Variants in VPS13A observed in about 807,000 individuals in gnomAD.
VPS13A encodes the protein vacuolar protein sorting 13 homolog A.
In VPS13A, 264 loss-of-function variants were observed where a neutral mutation model predicts 390.9. That is an observed-to-expected ratio of 0.68 (90% CI 0.61 to 0.75). The LOEUF (loss-of-function observed/expected upper bound fraction) is 0.75. Among genes scored for constraint, VPS13A ranks in the 30% least tolerant of loss-of-function variants. VPS13A has a pLI of 0.00. For missense variants in VPS13A, 3,409 were observed against 3,733.9 expected, an observed-to-expected ratio of 0.91 and a Z score of 2.27; for synonymous variants, 1,231 against 1,227.1, an observed-to-expected ratio of 1.00 and a Z score of -0.07.
In VPS13A at chr9:77,242,958, A is replaced by G. The variant is rs552343907; in HGVS notation, c.1901-4301A>G. The stretch of plus-strand genomic sequence containing the variant: ...CCAATAGTATAAAAATGCTAATTCT[A>G]TGAAAAAAAATGGAAAGCTTCTATG... On this transcript the variant is annotated intron_variant, in intron 19 of 71. Coordinates refer to ENST00000360280, the MANE Select transcript of VPS13A (RefSeq NM_033305.3). Among the ~76,000 whole-genome samples, 4 of 152,110 alleles carry G rather than the reference A, an allele frequency of 2.6e-5. No homozygotes were observed. The South Asian group carries it at 6.2e-4, about 24-fold the overall frequency.
intron 35 of VPS13A, among the ~76,000 whole-genome samples, chr9:77,310,729 G>T (rs1299777129): frequency 6.6e-6 from 1 of 152,134 alleles, no homozygotes; most frequent in East Asian, 1.9e-4. Context: ...ACTAACCAAA[G>T]CTGTAAAGAG....
intron 65 of VPS13A, 96 bp downstream of exon 65, chr9:77,370,674 A>T (rs1832700725): frequency 1.9e-6 from 3 of 1,551,920 alleles, no homozygotes; most frequent in Non-Finnish European, 2.6e-6. Context: ...CTCACTCCTT[A>T]AATTATTATT....
chr9:77,364,536 G>A (rs1832332082), intron 59 of VPS13A, among the ~76,000 whole-genome samples: 1 of 152,174 alleles, frequency 6.6e-6, no homozygotes, highest in African/African-American at 2.4e-5. Flanking sequence ...GATGAGAAAT[G>A]CTGACGTCCT....
At chr9:77,237,860 G>A (rs1212190866) in intron 17 of VPS13A, 142 bp from the exon 18 acceptor site, 13 of 635,958 alleles carry the variant, frequency 2.0e-5, no homozygotes, top group East Asian at 8.3e-5. Flanking sequence ...AGGAATCATT[G>A]TATGTCTTCT....
At chr9:77,410,857 AC>A (rs750942072) in intron 71 of VPS13A, among the ~76,000 whole-genome samples, 1 of 152,164 alleles carries the variant, frequency 6.6e-6, no homozygotes, top group Admixed American at 6.5e-5. Flanking sequence ...AGACTTTAAC[AC>A]CCCACTGTCA....
intron 19 of VPS13A, among the ~76,000 whole-genome samples, chr9:77,246,472 G>A (rs992985472): frequency 1.3e-5 from 2 of 152,024 alleles, no homozygotes; most frequent in Non-Finnish European, 2.9e-5. Flanking sequence ...CATTTTGTGT[G>A]TGTGTGTGTG....
At chr9:77,186,466 CCTG>C (rs1824341901) in intron 1 of VPS13A, among the ~76,000 whole-genome samples, 1 of 151,978 alleles carries the variant, frequency 6.6e-6, no homozygotes, top group Non-Finnish European at 1.5e-5. Context: ...GAGATGGAGT[CCTG>C]CTGTGTTGCC....
At chr9:77,185,147 C>CTT (rs936326410) in intron 1 of VPS13A, among the ~76,000 whole-genome samples, 1 of 144,772 alleles carries the variant, frequency 6.9e-6, no homozygotes, top group African/African-American at 2.5e-5. Context: ...GACATTATCT[C>CTT]TTTTTTTTTT....
chr9:77,305,226 T>C (rs75256445), intron 34 of VPS13A, among the ~76,000 whole-genome samples: 4,744 of 152,168 alleles, frequency 0.031, 83 homozygotes, highest in Non-Finnish European at 0.044. Flanking sequence ...GCGTGAGCCA[T>C]CACGCCTGGC....
chr9:77,404,932 G>GAGAT (rs1417137448), intron 69 of VPS13A, among the ~76,000 whole-genome samples: 6 of 152,088 alleles, frequency 3.9e-5, no homozygotes, highest in African/African-American at 2.4e-5. Flanking sequence ...ATGGAAGTGA[G>GAGAT]AGATAGATAT....
rs1832326565 is a variant in VPS13A, at chr9:77,364,437, A to G, written c.8212-1023A>G. Among the ~76,000 whole-genome samples, 4 of 152,028 alleles carry G rather than the reference A, an allele frequency of 2.6e-5. No homozygotes were observed. In the South Asian group the frequency reaches 6.2e-4, roughly 24 times the overall value. Reference sequence around the variant, plus strand: ...CGAGACTCCGTCTCGAAAAAAACAAACAAACAAAAAAAAACCCATAAAGGA... The same window carrying G: ...CGAGACTCCGTCTCGAAAAAAACAAGCAAACAAAAAAAAACCCATAAAGGA... On this transcript the variant is annotated intron_variant, in intron 59 of 71. Transcript: ENST00000360280.
At chr9:77,273,194 G>A (rs1826447055) in intron 23 of VPS13A, 86 bp from the exon 24 acceptor site, 13 of 1,049,106 alleles carry the variant, frequency 1.2e-5, no homozygotes, top group Non-Finnish European at 1.7e-5. Flanking sequence ...TGTCAAAACT[G>A]TTGTAGAACT....
Position 77,356,864 on chromosome 9 carries a change from TC to T in VPS13A, c.7805del (p.Pro2602ArgfsTer4). On this transcript the variant is annotated frameshift_variant and splice_region_variant, in exon 55 of 72. Transcript: ENST00000360280. LOFTEE classifies it high-confidence loss of function. ...DKVIQLDTNV[P>X]VRLTPTGHNM... ...AGGTTATTCAGTTGGACACTAATGT[TC>T]CGGTAATATTTTTAAGTACTGATGT... The T allele has an allele frequency of 6.2e-7, 1 of 1,613,694 alleles. No homozygotes were observed. Among genetic ancestry groups the T allele is most frequent in the Non-Finnish European group, 8.5e-7 (1 of 1,179,872 alleles).
chr9:77,373,379 A>G (rs1832889627), intron 67 of VPS13A, among the ~76,000 whole-genome samples: 1 of 140,752 alleles, frequency 7.1e-6, no homozygotes, highest in African/African-American at 2.6e-5. Flanking sequence ...AAAACAAGCA[A>G]TGGGGAAAGG....
At chr9:77,232,638 G>A (rs1388026420) in intron 17 of VPS13A, among the ~76,000 whole-genome samples, 1 of 152,092 alleles carries the variant, frequency 6.6e-6, no homozygotes, top group Non-Finnish European at 1.5e-5. Context: ...TCACAATCAT[G>A]GCAGAAAGCA....
intron 62 of VPS13A, 150 bp from the exon 63 acceptor site, chr9:77,369,149 G>A: frequency 1.5e-6 from 1 of 662,904 alleles, no homozygotes; most frequent in South Asian, 1.8e-5. Flanking sequence ...AGAAAAAAAA[G>A]AGTAGTGATT....
intron 54 of VPS13A, among the ~76,000 whole-genome samples, chr9:77,354,226 CT>C (rs1250591216): frequency 1.3e-5 from 2 of 151,756 alleles, no homozygotes; most frequent in Non-Finnish European, 2.9e-5. Context: ...AATTTTAATC[CT>C]TTTCTTGAAT....
In VPS13A at chr9:77,233,052, A is replaced by G. The variant is rs551242226; in HGVS notation, c.1595+4788A>G. ...GGTTTATAAGTAGGATCTGTAGGTT[A>G]CAGTAAAGTTTACTATAGGTTTTTA... On this transcript the variant is annotated intron_variant, in intron 17 of 71. Coordinates refer to ENST00000360280, the MANE Select transcript of VPS13A (RefSeq NM_033305.3). Among the ~76,000 whole-genome samples, 121 of 152,354 alleles carry G rather than the reference A, an allele frequency of 7.9e-4. 1 individual carries two copies. Among genetic ancestry groups the G allele is most frequent in the Non-Finnish European group, 1.5e-5 (1 of 68,038 alleles).
intron 71 of VPS13A, among the ~76,000 whole-genome samples, chr9:77,409,509 G>GGAGGAAGTTCGAATCCATGGC: frequency 6.6e-6 from 1 of 152,220 alleles, no homozygotes; most frequent in East Asian, 1.9e-4. Flanking sequence ...CCAAGCTAAA[G>GGAGGAAGTTCGAATCCATGGC]GAGGAAGTTC....
Sources: allele counts gnomAD v4.1 joint callset (sites outside exome capture counted in the v4.1 genomes callset), GRCh38; gene constraint gnomAD v4.1.1; transcripts MANE v1.5; gene names NCBI Gene and HGNC (gene_info 2026-07-23, HGNC 2026-07-21).